Variants in HAPLN2 observed in about 807,000 individuals in gnomAD.
HAPLN2 encodes hyaluronan and proteoglycan link protein 2.
HAPLN2 carries 27 observed loss-of-function variants against 29.3 expected under a neutral mutation model. The observed-to-expected ratio is 0.92, with a 90% CI of 0.68 to 1.27. The LOEUF is 1.27. Ranked by LOEUF, HAPLN2 falls within the 50% of genes most tolerant of loss-of-function variation. The pLI is 0.00. For missense variants in HAPLN2, 454 were observed against 484.3 expected, an observed-to-expected ratio of 0.94 and a Z score of 0.59; for synonymous variants, 208 against 211.7, an observed-to-expected ratio of 0.98 and a Z score of 0.15.
At chr1:156,613,470 C>T in the HAPLN2 span, among the ~76,000 whole-genome samples, 2 of 152,168 alleles carry the variant, frequency 1.3e-5, no homozygotes, top group African/African-American at 4.8e-5. Flanking sequence ...CAATAAAACC[C>T]TATCATTGTA....
upstream of HAPLN2, among the ~76,000 whole-genome samples, chr1:156,617,530 G>A (rs1678089385): frequency 6.6e-6 from 1 of 151,846 alleles, no homozygotes; most frequent in South Asian, 2.1e-4. Flanking sequence ...TGTATTTTTA[G>A]TAGAGACAGA....
upstream of HAPLN2, among the ~76,000 whole-genome samples, chr1:156,615,947 A>T (rs187489482): frequency 8.9e-3 from 1,345 of 151,104 alleles, 8 homozygotes; most frequent in South Asian, 0.026. Context: ...GTTAAAAAAA[A>T]TTATTAAAAA....
chr1:156,606,332 A>G, the HAPLN2 span, among the ~76,000 whole-genome samples: 3 of 149,736 alleles, frequency 2.0e-5, no homozygotes, highest in African/African-American at 7.4e-5. Context: ...AGTCCCAGCT[A>G]CTTGGGAGGC....
chr1:156,618,159 G>T (rs12077955), upstream of HAPLN2, among the ~76,000 whole-genome samples: 1 of 151,788 alleles, frequency 6.6e-6, no homozygotes, highest in Admixed American at 6.6e-5. Context: ...TTATCTTGGC[G>T]TGGTGGCGCA....
chr1:156,623,056 ATAAAT>A (rs1678299649), intron 2 of HAPLN2, among the ~76,000 whole-genome samples: 2 of 146,352 alleles, frequency 1.4e-5, no homozygotes, highest in African/African-American at 5.0e-5. Flanking sequence ...AAATAAATAA[ATAAAT>A]AAATAAATAA....
chr1:156,625,098 C>T lies in HAPLN2; in HGVS notation c.740-3C>T. On this transcript the variant is annotated splice_polypyrimidine_tract_variant and splice_region_variant and intron_variant, in intron 6 of 6. Coordinates refer to ENST00000255039, the MANE Select transcript of HAPLN2 (RefSeq NM_021817.3). The surrounding 1 kb of genome is among the most constrained non-coding windows in gnomAD (Gnocchi z 5.7). Reference sequence around the variant, plus strand: ...TCGGTCGGTGACCCGCTGTGGTCCCCAGGCCAAGTGTTCTTCGTGCCCGGG... The same window carrying T: ...TCGGTCGGTGACCCGCTGTGGTCCCTAGGCCAAGTGTTCTTCGTGCCCGGG... 1 of 1,537,120 alleles carries T rather than the reference C, an allele frequency of 6.5e-7. No individual in the cohort carries two copies. The highest frequency in any genetic ancestry group is 2.0e-5 in the Admixed American group (1 of 50,952).
chr1:156,619,423 AG>A lies in HAPLN2; in HGVS notation c.-273del. ...GGAAAGGACAGACAGACAGACAGACAGGGGGTTGTACAGAAGAGGTCCGGTT... is the reference window on the plus strand; with the variant it reads ...GGAAAGGACAGACAGACAGACAGACAGGGGTTGTACAGAAGAGGTCCGGTT... On this transcript the variant is annotated 5_prime_UTR_variant, in exon 1 of 7. Transcript: ENST00000255039. 6.6e-6 allele frequency: 1 copy of A among 152,520 alleles called. No individual in the cohort carries two copies. Among genetic ancestry groups the A allele is most frequent in the Non-Finnish European group, 1.5e-5 (1 of 68,160 alleles). 9.4% of individuals were successfully genotyped at this position (152,520 alleles called of 1,614,324 possible). A position where few individuals can be genotyped will look rare whatever the true frequency, so the allele number is the denominator to read the frequency against.
At chr1:156,605,389 C>T in the HAPLN2 span, among the ~76,000 whole-genome samples, 1 of 151,240 alleles carries the variant, frequency 6.6e-6, no homozygotes, top group African/African-American at 2.4e-5. Flanking sequence ...GTTGGGAGTT[C>T]AAGACCAGCC....
chr1:156,604,115 G>A, the HAPLN2 span, among the ~76,000 whole-genome samples: 1 of 151,978 alleles, frequency 6.6e-6, no homozygotes, highest in South Asian at 2.1e-4. Context: ...ATACTTATAA[G>A]GAAATGGCCT....
rs1335198313 is a variant in HAPLN2, at chr1:156,623,871, G to T, written c.150G>T (p.Gly50=). The part of the protein sequence containing the change: ...PIHEVIHSHR[G]ATATLPCVLG... ...ACGAGGTCATTCACTCTCATCGTGG[G>T]GCCACGGCCACGCTGCCCTGCGTCC... Residue 50 remains glycine (G), a synonymous_variant, in exon 4 of 7, where the codon GGG becomes GGT. Transcript: ENST00000255039. 1.3e-5 allele frequency: 20 copies of T among 1,567,494 alleles called. No individual in the cohort carries two copies. The highest frequency in any genetic ancestry group is 1.7e-5 in the Non-Finnish European group (20 of 1,157,860).
At position 156,625,650 on chromosome 1, in the gene HAPLN2, C is replaced by A. The variant is rs576776524; in HGVS notation, c.*266C>A. 2 of 432,596 alleles carry A rather than the reference C, an allele frequency of 4.6e-6. No individual in the cohort carries two copies. Among genetic ancestry groups the A allele is most frequent in the African/African-American group, 2.1e-5 (1 of 48,196 alleles). 26.8% of individuals were successfully genotyped at this position (432,596 alleles called of 1,614,324 possible). A position where few individuals can be genotyped will look rare whatever the true frequency, so the allele number is the denominator to read the frequency against. On this transcript the variant is annotated 3_prime_UTR_variant, in exon 7 of 7. Coordinates refer to ENST00000255039, the MANE Select transcript of HAPLN2 (RefSeq NM_021817.3). The surrounding 1 kb of genome is among the most constrained non-coding windows in gnomAD (Gnocchi z 5.7). ...GAACCCTAGCAGAGGACTCAGCCAC[C>A]GCCGGGGGGAGGGTGAGGCGGCCGG...
intron 2 of HAPLN2, among the ~76,000 whole-genome samples, chr1:156,621,595 G>A (rs112556756): frequency 0.031 from 4,683 of 151,936 alleles, 94 homozygotes; most frequent in Middle Eastern, 0.071. Flanking sequence ...AAATTAGCCC[G>A]GAGTGGTGGT....
Position 156,623,884 on chromosome 1 carries a change from C to A in HAPLN2, c.163C>A (p.Leu55Met). 1 of 1,579,962 alleles carries A rather than the reference C, an allele frequency of 6.3e-7. No homozygotes were observed. The change falls in exon 4 of 7, where the codon CTG (leucine) becomes ATG (methionine). Residue 55 changes from leucine to methionine, a missense_variant. By Grantham distance (15) the Leu-to-Met change is conservative. This residue lies in a region of HAPLN2 where 204 missense variants were observed against 209.2 expected (regional missense o/e 0.98). Coordinates refer to ENST00000255039, the MANE Select transcript of HAPLN2 (RefSeq NM_021817.3). ...CTCTCATCGTGGGGCCACGGCCACG[C>A]TGCCCTGCGTCCTGGGCACCACGCC... The part of the protein sequence containing the change: ...IHSHRGATAT[L>M]PCVLGTTPPS...
chr1:156,614,748 C>T (rs1294283692), upstream of HAPLN2: 1 of 152,038 alleles, frequency 6.6e-6, no homozygotes, highest in Non-Finnish European at 1.5e-5. Flanking sequence ...AATAAACAGT[C>T]AAGATTTTGA....
intron 6 of HAPLN2, 126 bp downstream of exon 6, chr1:156,624,909 G>GGGGCCCCCCCCC: frequency 1.0e-6 from 1 of 999,502 alleles, no homozygotes; most frequent in Non-Finnish European, 1.4e-6. Context: ...CCCCCCATCA[G>GGGGCCCCCCCCC]CCCGCCCGCC....
At position 156,623,460 on chromosome 1, in the gene HAPLN2, C is replaced by G; in HGVS notation, c.-24-7C>G. 6.2e-7 allele frequency: 1 copy of G among 1,612,000 alleles called. No individual in the cohort carries two copies. The highest frequency in any genetic ancestry group is 8.5e-7 in the Non-Finnish European group (1 of 1,179,000). On this transcript the variant is annotated splice_polypyrimidine_tract_variant and splice_region_variant and intron_variant, in intron 2 of 6. Coordinates refer to ENST00000255039, the MANE Select transcript of HAPLN2 (RefSeq NM_021817.3). ...CCTAAGAACTGCCCACTCTTTGTGC[C>G]CTGCAGACGGTGCCGGGCTGACCCC... is the stretch of plus-strand genomic sequence containing the variant.
rs896081875 is a variant in HAPLN2, at chr1:156,623,890, T to G, written c.169T>G (p.Cys57Gly). 1.3e-6 allele frequency: 2 copies of G among 1,589,276 alleles called. No homozygotes were observed. Among genetic ancestry groups the G allele is most frequent in the Non-Finnish European group, 1.7e-6 (2 of 1,168,304 alleles). ...SHRGATATLPCVLGTTPPSYK... is the reference protein window; with the variant it reads ...SHRGATATLPGVLGTTPPSYK... ...TCGTGGGGCCACGGCCACGCTGCCCTGCGTCCTGGGCACCACGCCTCCCAG... is the reference window on the plus strand; with the variant it reads ...TCGTGGGGCCACGGCCACGCTGCCCGGCGTCCTGGGCACCACGCCTCCCAG... Residue 57 changes from cysteine (C) to glycine (G), a missense_variant, in exon 4 of 7, where the codon TGC becomes GGC. By Grantham distance (159) the Cys-to-Gly change is radical (BLOSUM62 -3). This residue lies in a region of HAPLN2 where 204 missense variants were observed against 209.2 expected (regional missense o/e 0.98). Transcript: ENST00000255039.
chr1:156,609,522 T>TA, the HAPLN2 span, among the ~76,000 whole-genome samples: 1 of 152,168 alleles, frequency 6.6e-6, no homozygotes, highest in Non-Finnish European at 1.5e-5. Context: ...GTCTTCCAAT[T>TA]AAAAAATTAT....
rs887321524 is a variant in HAPLN2 at position 156,624,161 on chromosome 1, G to C, written c.439+1G>C. 1 of 1,612,064 alleles carries C rather than the reference G, an allele frequency of 6.2e-7. No individual in the cohort carries two copies. Among genetic ancestry groups the C allele is most frequent in the African/African-American group, 1.3e-5 (1 of 74,996 alleles). On this transcript the variant is annotated splice_donor_variant, in intron 4 of 6. Coordinates refer to ENST00000255039, the MANE Select transcript of HAPLN2 (RefSeq NM_021817.3). LOFTEE classifies it high-confidence loss of function. ...GTGGCGCTGACCTTGAGCTTGGAGG[G>C]TGAGGCCCTTCCGCTCCCGCCCCAT... is the stretch of plus-strand genomic sequence containing the variant.
Sources: allele counts gnomAD v4.1 joint callset (sites outside exome capture counted in the v4.1 genomes callset), GRCh38; gene constraint gnomAD v4.1.1; regional missense constraint gnomAD v4.1.1; non-coding constraint Gnocchi (gnomAD v3.1); transcripts MANE v1.5; gene names NCBI Gene and HGNC (gene_info 2026-07-23, HGNC 2026-07-21).